The following GIPC2 variants were observed in gnomAD, a reference collection of about 807,000 sequenced individuals.
GIPC2 encodes the protein PDZ domain-containing protein GIPC2.
A neutral mutation model predicts 30.6 loss-of-function variants in GIPC2; 30 were observed. The ratio of observed to expected loss-of-function variants is 0.98; its 90% CI spans 0.73 to 1.33. GIPC2 has a LOEUF of 1.33. Ranked by LOEUF, GIPC2 falls within the 40% of genes most tolerant of loss-of-function variation. The pLI is 0.00. For synonymous variants in GIPC2, 167 were observed against 150.0 expected, an observed-to-expected ratio of 1.11 and a Z score of -0.83; for missense variants, 414 against 390.3, an observed-to-expected ratio of 1.06 and a Z score of -0.51.
At chr1:78,049,008 T>C (rs1661147347) in intron 1 of GIPC2, among the ~76,000 whole-genome samples, 1 of 152,198 alleles carries the variant, frequency 6.6e-6, no homozygotes. Flanking sequence ...AAAGTATTGG[T>C]CATCATAGCA....
intron 3 of GIPC2, among the ~76,000 whole-genome samples, chr1:78,108,604 A>AT (rs1221795943): frequency 6.6e-6 from 1 of 152,030 alleles, no homozygotes; most frequent in East Asian, 1.9e-4. Flanking sequence ...TACTAATTGT[A>AT]TTTTTTTAAA....
intron 3 of GIPC2, among the ~76,000 whole-genome samples, chr1:78,101,688 C>T (rs1244705135): frequency 6.6e-6 from 1 of 152,172 alleles, no homozygotes; most frequent in Admixed American, 6.5e-5. Context: ...TTGTTCTAGC[C>T]ATGAGCTGAT....
rs1046904304 is a variant in GIPC2, at chr1:78,136,389, G to C, written c.*646G>C. The C allele has an allele frequency of 3.3e-5, 5 of 151,714 alleles. No individual in the cohort carries two copies. The highest frequency in any genetic ancestry group is 5.9e-5 in the Non-Finnish European group (4 of 67,890). The allele number at this position is 151,714 out of a possible 1,614,324, so 9.4% of individuals were successfully genotyped here. ...AAAACTTGTGGTTGAAATCTGTGCT[G>C]TGTGTGTGTGTCTCTGCATGTGTAA... is the stretch of plus-strand genomic sequence containing the variant. On this transcript the variant is annotated 3_prime_UTR_variant, in exon 6 of 6. Transcript: ENST00000370759.
At chr1:78,109,349 T>A (rs1027736640) in intron 3 of GIPC2, among the ~76,000 whole-genome samples, 3 of 152,194 alleles carry the variant, frequency 2.0e-5, no homozygotes, top group African/African-American at 7.2e-5. Context: ...TCCGCAGTGA[T>A]CCTTAAATGA....
In GIPC2 at chr1:78,138,432, A is replaced by T. The variant is rs1055346754; in HGVS notation, c.*2689A>T. The T allele has an allele frequency of 6.6e-6, 1 of 152,250 alleles. No individual in the cohort carries two copies. Among genetic ancestry groups the T allele is most frequent in the Non-Finnish European group, 1.5e-5 (1 of 68,052 alleles). 9.4% of individuals were successfully genotyped at this position (152,250 alleles called of 1,614,324 possible). On this transcript the variant is annotated 3_prime_UTR_variant, in exon 6 of 6. Transcript: ENST00000370759. The stretch of plus-strand genomic sequence containing the variant: ...CCTTGCAACTTTAGCAAATACACAT[A>T]TTCCAAGTAAAACTTTATTTAGTCC...
At chr1:78,092,199 A>AG in intron 2 of GIPC2, 2 of 579,114 alleles carry the variant, frequency 3.5e-6, no homozygotes. Context: ...TGTAATTGAA[A>AG]GGGGAAAAAA....
chr1:78,117,067 T>C (rs1662581405), intron 3 of GIPC2, among the ~76,000 whole-genome samples: 1 of 152,334 alleles, frequency 6.6e-6, no homozygotes. Flanking sequence ...AGATGGTATC[T>C]CATGGTGAGA....
chr1:78,106,637 T>G (rs1478526279), intron 3 of GIPC2, among the ~76,000 whole-genome samples: 1 of 152,118 alleles, frequency 6.6e-6, no homozygotes, highest in African/African-American at 2.4e-5. Context: ...TGCAAAAACT[T>G]TTTAAGTGTA....
At chr1:78,058,688 A>G (rs759718669) in intron 1 of GIPC2, among the ~76,000 whole-genome samples, 19 of 152,218 alleles carry the variant, frequency 1.2e-4, no homozygotes, top group Non-Finnish European at 2.4e-4. Context: ...ATACATATTA[A>G]TGGCTTTGAG....
chr1:78,073,428 A>G (rs2100331071), intron 1 of GIPC2, among the ~76,000 whole-genome samples: 1 of 152,286 alleles, frequency 6.6e-6, no homozygotes, highest in South Asian at 2.1e-4. Flanking sequence ...CTATAATGAC[A>G]TTGGCTGATA....
chr1:78,085,590 G>A (rs2100356115), intron 2 of GIPC2, among the ~76,000 whole-genome samples: 1 of 147,908 alleles, frequency 6.8e-6, no homozygotes, highest in South Asian at 2.1e-4. Context: ...ATTTATTACT[G>A]CTTCAATTTC....
At chr1:78,124,299 C>T (rs1662742152) in intron 4 of GIPC2, among the ~76,000 whole-genome samples, 1 of 152,068 alleles carries the variant, frequency 6.6e-6, no homozygotes, top group African/African-American at 2.4e-5. Context: ...TAATACATAA[C>T]ACAAAAATGA....
At chr1:78,073,742 G>C (rs953087925) in intron 1 of GIPC2, among the ~76,000 whole-genome samples, 1 of 152,148 alleles carries the variant, frequency 6.6e-6, no homozygotes, top group Non-Finnish European at 1.5e-5. Flanking sequence ...TTGTTAACCT[G>C]TTTGTGGACC....
chr1:78,113,901 A>C (rs534974586), intron 3 of GIPC2, among the ~76,000 whole-genome samples: 1 of 148,734 alleles, frequency 6.7e-6, no homozygotes, highest in East Asian at 2.0e-4. Context: ...TATGGAGTCT[A>C]TCCAAGGCAG....
At chr1:78,094,111 C>G (rs1461915256) in intron 2 of GIPC2, among the ~76,000 whole-genome samples, 1 of 152,182 alleles carries the variant, frequency 6.6e-6, no homozygotes, top group African/African-American at 2.4e-5. Context: ...TACTGGCTCC[C>G]AAAATGATAA....
At chr1:78,053,531 A>G (rs899004591) in intron 1 of GIPC2, among the ~76,000 whole-genome samples, 1 of 152,130 alleles carries the variant, frequency 6.6e-6, no homozygotes, top group African/African-American at 2.4e-5. Flanking sequence ...AGGTGTTGGC[A>G]GTTGTCACTT....
At chr1:78,085,843 A>G (rs950144580) in intron 2 of GIPC2, among the ~76,000 whole-genome samples, 3 of 147,702 alleles carry the variant, frequency 2.0e-5, no homozygotes, top group African/African-American at 5.0e-5. Context: ...TGGCCTGTCT[A>G]TCTAACTAAT....
intron 3 of GIPC2, among the ~76,000 whole-genome samples, chr1:78,115,143 A>C (rs761492320): frequency 6.6e-6 from 1 of 152,120 alleles, no homozygotes; most frequent in Non-Finnish European, 1.5e-5. Flanking sequence ...CTGGGTCCTT[A>C]GCTTTGTAAG....
At chr1:78,065,147 A>G (rs1557529755) in intron 1 of GIPC2, among the ~76,000 whole-genome samples, 1 of 152,114 alleles carries the variant, frequency 6.6e-6, no homozygotes, top group Non-Finnish European at 1.5e-5. Flanking sequence ...TAATTTAAAA[A>G]ATTTTTTGTA....
Sources: gnomAD v4.1 joint callset for allele counts (sites outside exome capture counted in the v4.1 genomes callset) on GRCh38, gnomAD v4.1.1 for gene constraint, MANE v1.5 for transcripts, NCBI Gene and HGNC (gene_info 2026-07-23, HGNC 2026-07-21) for gene names.